LRRC4C: variants seen among roughly 807,000 people sequenced by gnomAD.
LRRC4C encodes the protein leucine-rich repeat-containing protein 4C.
Under a neutral mutation model 33.6 loss-of-function variants are expected in LRRC4C, and 5 were observed. The observed-to-expected ratio is 0.15, with a 90% confidence interval of 0.08 to 0.31. The LOEUF is 0.31. Among genes scored for constraint, LRRC4C ranks in the 10% least tolerant of loss-of-function variants. The pLI is 1.00. For synonymous variants in LRRC4C, 329 were observed against 302.0 expected, an observed-to-expected ratio of 1.09 and a Z score of -0.93; for missense variants, 560 against 796.7, an observed-to-expected ratio of 0.70 and a Z score of 3.58.
At chr11:40,706,853 C>T (rs540061964) in intron 2 of LRRC4C, among the ~76,000 whole-genome samples, 2 of 152,116 alleles carry the variant, frequency 1.3e-5, no homozygotes, top group East Asian at 1.9e-4. Context: ...ATGGAATGTT[C>T]TTCCATTTGT....
intron 5 of LRRC4C, among the ~76,000 whole-genome samples, chr11:40,181,579 T>C (rs1410294499): frequency 6.6e-6 from 1 of 152,220 alleles, no homozygotes. Flanking sequence ...ATGAAAGTCC[T>C]AGAGAGCTAT....
intron 2 of LRRC4C, among the ~76,000 whole-genome samples, chr11:40,794,809 C>T (rs940070312): frequency 6.6e-6 from 1 of 150,714 alleles, no homozygotes; most frequent in Non-Finnish European, 1.5e-5. Context: ...ACTCAAAGTC[C>T]GTAACCAGGG....
chr11:41,330,789 T>A (rs551157709), intron 1 of LRRC4C, among the ~76,000 whole-genome samples: 1 of 151,978 alleles, frequency 6.6e-6, no homozygotes, highest in African/African-American at 2.4e-5. Context: ...TATTAATATA[T>A]ACTTTTAATA....
At chr11:40,330,749 T>C (rs1305393053) in intron 3 of LRRC4C, among the ~76,000 whole-genome samples, 1 of 152,102 alleles carries the variant, frequency 6.6e-6, no homozygotes, top group African/African-American at 2.4e-5. Flanking sequence ...AACCCCATGA[T>C]TCAGTTACCT....
intron 1 of LRRC4C, among the ~76,000 whole-genome samples, chr11:41,241,776 C>T (rs578230191): frequency 7.2e-5 from 11 of 152,178 alleles, no homozygotes; most frequent in South Asian, 2.1e-4. Context: ...CTGTGGCGAC[C>T]GGTCTATCTT....
intron 3 of LRRC4C, among the ~76,000 whole-genome samples, chr11:40,478,412 C>T (rs1247307845): frequency 6.6e-6 from 1 of 152,124 alleles, no homozygotes; most frequent in African/African-American, 2.4e-5. Flanking sequence ...AAGCTCCAGT[C>T]CATGCTATGG....
chr11:41,006,364 C>T (rs2137457365), intron 1 of LRRC4C, among the ~76,000 whole-genome samples: 1 of 152,318 alleles, frequency 6.6e-6, no homozygotes, highest in Admixed American at 6.5e-5. Context: ...GTCAGAGTTG[C>T]AGAGTCTTAC....
At chr11:40,592,220 G>A (rs757461159) in intron 3 of LRRC4C, among the ~76,000 whole-genome samples, 13 of 152,174 alleles carry the variant, frequency 8.5e-5, no homozygotes, top group Non-Finnish European at 1.9e-4. Flanking sequence ...AGTACAGAGT[G>A]CCAAAATAGC....
intron 4 of LRRC4C, among the ~76,000 whole-genome samples, chr11:40,315,580 G>C (rs2136796397): frequency 6.6e-6 from 1 of 151,868 alleles, no homozygotes; most frequent in South Asian, 2.1e-4. Flanking sequence ...GTGAAACACT[G>C]TATAGTGTTT....
intron 1 of LRRC4C, among the ~76,000 whole-genome samples, chr11:41,002,231 C>A (rs1854432420): frequency 1.3e-5 from 2 of 152,116 alleles, no homozygotes; most frequent in African/African-American, 4.8e-5. Flanking sequence ...TGCATGTAAG[C>A]AATCCATAAA....
intron 5 of LRRC4C, among the ~76,000 whole-genome samples, chr11:40,158,654 C>T (rs1417126939): frequency 6.6e-6 from 1 of 151,606 alleles, no homozygotes; most frequent in Non-Finnish European, 1.5e-5. Flanking sequence ...CTCTCTGGCT[C>T]TGGATTAGAA....
At chr11:41,449,264 T>C (rs1955940544) in intron 1 of LRRC4C, among the ~76,000 whole-genome samples, 1 of 152,082 alleles carries the variant, frequency 6.6e-6, no homozygotes. Context: ...CTTAGGCAGA[T>C]GTTGGAAAAG....
In LRRC4C at chr11:41,356,343, A is replaced by T. The variant is rs1257394188; in HGVS notation, c.-496+103088T>A. On this transcript the variant is annotated intron_variant, in intron 1 of 6. Coordinates refer to ENST00000528697, the MANE Select transcript of LRRC4C (RefSeq NM_001258419.2). The stretch of plus-strand genomic sequence containing the variant: ...GTGTCTTTGTAAAAATTACAAAAAA[A>T]GTCTTTTGGGGCAGTTAAATTGCAA... Among the ~76,000 whole-genome samples the T allele has an allele frequency of 4.6e-5, 7 of 152,282 alleles. 1 individual carries two copies. The South Asian group carries it at 1.0e-3, about 23-fold the overall frequency.
intron 2 of LRRC4C, among the ~76,000 whole-genome samples, chr11:40,658,555 G>T (rs1257476875): frequency 2.6e-5 from 4 of 152,106 alleles, no homozygotes; most frequent in Non-Finnish European, 4.4e-5. Context: ...AGTTTTTAAG[G>T]GTTTTGGAAT....
chr11:40,850,686 G>A (rs1422974004), intron 2 of LRRC4C, among the ~76,000 whole-genome samples: 1 of 152,250 alleles, frequency 6.6e-6, no homozygotes, highest in African/African-American at 2.4e-5. Flanking sequence ...TCTCTTCAGA[G>A]CTGGCAGGCA....
chr11:40,319,088 A>T (rs1228978238), intron 4 of LRRC4C, among the ~76,000 whole-genome samples: 1 of 152,142 alleles, frequency 6.6e-6, no homozygotes, highest in Admixed American at 6.5e-5. Context: ...CTTCAGTGGT[A>T]ACAGAAAAAA....
At chr11:40,846,856 T>C (rs990305380) in intron 2 of LRRC4C, among the ~76,000 whole-genome samples, 3 of 152,010 alleles carry the variant, frequency 2.0e-5, no homozygotes, top group African/African-American at 7.3e-5. Flanking sequence ...TGTAGTTCTC[T>C]TTGAAGAGGC....
At chr11:40,647,918 T>C (rs1242634782) in intron 3 of LRRC4C, among the ~76,000 whole-genome samples, 3 of 152,118 alleles carry the variant, frequency 2.0e-5, no homozygotes, top group African/African-American at 4.8e-5. Flanking sequence ...GGCAACTTTT[T>C]CCCCCTGCTT....
At chr11:41,404,928 G>A (rs114313483) in intron 1 of LRRC4C, among the ~76,000 whole-genome samples, 3,825 of 152,096 alleles carry the variant, frequency 0.025, 62 homozygotes, top group African/African-American at 0.052. Flanking sequence ...AGATAATATG[G>A]AAAACATACT....
Sources: allele counts gnomAD v4.1 joint callset (sites outside exome capture counted in the v4.1 genomes callset), GRCh38; gene constraint gnomAD v4.1.1; transcripts MANE v1.5; gene names NCBI Gene and HGNC (gene_info 2026-07-23, HGNC 2026-07-21).